The following CHODL variants were observed in gnomAD, a reference collection of about 807,000 sequenced individuals.
CHODL encodes chondrolectin.
CHODL carries 29 observed loss-of-function variants against 34.5 expected under a neutral mutation model. That is an observed-to-expected ratio of 0.84 (90% CI 0.63 to 1.15). The LOEUF is 1.15. Among genes scored for constraint, CHODL ranks in the 50% most tolerant of loss-of-function variants. The pLI, the probability that CHODL is intolerant of heterozygous loss-of-function variation, is 0.00. For synonymous variants in CHODL, 125 were observed against 116.1 expected (o/e 1.08, Z -0.49); for missense variants, 332 against 332.5 (o/e 1.00, Z 0.01).
intron 2 of CHODL, among the ~76,000 whole-genome samples, chr21:18,073,664 C>CA (rs1434354049): frequency 6.6e-6 from 1 of 151,912 alleles, no homozygotes. Flanking sequence ...GATTTCAGTT[C>CA]ATTTTTTTTC....
Position 18,264,427 on chromosome 21 carries a change from C to A in CHODL, c.738-1527C>A, listed in dbSNP as rs556815623. On this transcript the variant is annotated intron_variant, in intron 5 of 5. Coordinates refer to ENST00000299295, the MANE Select transcript of CHODL (RefSeq NM_024944.3). ...TACCACCCTGACTAACATGGCAAAACCCCATCTCTACTAAAAATACAAAAA... is the reference window on the plus strand; with the variant it reads ...TACCACCCTGACTAACATGGCAAAAACCCATCTCTACTAAAAATACAAAAA... Among the ~76,000 whole-genome samples the A allele has an allele frequency of 4.0e-5, 6 of 151,880 alleles. No individual in the cohort carries two copies. In the East Asian group the frequency reaches 1.2e-3, roughly 30 times the overall value.
Position 18,178,560 on chromosome 21 carries a change from T to A in CHODL, c.-44-77949T>A, listed in dbSNP as rs549841754. Among the ~76,000 whole-genome samples, 12 of 152,324 alleles carry A rather than the reference T, an allele frequency of 7.9e-5. 1 individual carries two copies. In the South Asian group the frequency reaches 2.3e-3, roughly 29 times the overall value. On this transcript the variant is annotated intron_variant, in intron 2 of 6. Transcript: ENST00000400127. ...AAACTATTGATTAACACATATTTTA[T>A]CTGTTACATGTATTATATACTGTAT...
rs1039334575 is a variant in CHODL, at chr21:18,107,522, C to G, written c.-45+79551C>G. ...TGTGCAAGAACTTAGTCGCATCTGT[C>G]CATTTTGCTATAGTGTCGTCCTACC... On this transcript the variant is annotated intron_variant, in intron 2 of 6. Transcript: ENST00000400127. Among the ~76,000 whole-genome samples the G allele has an allele frequency of 7.9e-5, 12 of 152,198 alleles. No individual in the cohort carries two copies. The East Asian group carries it at 2.1e-3, about 27-fold the overall frequency.
chr21:18,003,795 A>G (rs2063934152), intron 1 of CHODL, among the ~76,000 whole-genome samples: 1 of 152,214 alleles, frequency 6.6e-6, no homozygotes. Flanking sequence ...GTTCCAGCAC[A>G]GGGCTTCAGC....
At chr21:18,168,405 C>G (rs79040778) in intron 2 of CHODL, among the ~76,000 whole-genome samples, 2,316 of 152,312 alleles carry the variant, frequency 0.015, 59 homozygotes, top group African/African-American at 0.053. Context: ...TAAATCCAAG[C>G]ATTTTTGCTC....
intron 1 of CHODL, among the ~76,000 whole-genome samples, chr21:18,026,117 C>T (rs1305581598): frequency 6.6e-6 from 1 of 152,076 alleles, no homozygotes; most frequent in Non-Finnish European, 1.5e-5. Context: ...ATATCAGTTC[C>T]TGGGACATAA....
chr21:18,153,722 T>C (rs754638955), intron 2 of CHODL, among the ~76,000 whole-genome samples: 23 of 152,132 alleles, frequency 1.5e-4, no homozygotes, highest in Non-Finnish European at 2.8e-4. Context: ...CTCACCCTCT[T>C]ATCTGCCTAA....
chr21:18,217,781 A>G (rs2073844748), intron 2 of CHODL, among the ~76,000 whole-genome samples: 1 of 152,208 alleles, frequency 6.6e-6, no homozygotes, highest in Non-Finnish European at 1.5e-5. Context: ...CTTCCTAGAT[A>G]CAATGGGGTA....
chr21:18,090,225 A>C (rs968792504), intron 2 of CHODL, among the ~76,000 whole-genome samples: 34 of 152,224 alleles, frequency 2.2e-4, no homozygotes, highest in African/African-American at 7.7e-4. Flanking sequence ...GGCAAAACCC[A>C]AAACCAGTAG....
intron 1 of CHODL, among the ~76,000 whole-genome samples, chr21:18,014,320 C>T (rs1437373492): frequency 6.6e-6 from 1 of 152,172 alleles, no homozygotes. Flanking sequence ...AAATCATGTC[C>T]TTCACAGCAA....
At chr21:18,094,319 T>G (rs285951) in intron 2 of CHODL, among the ~76,000 whole-genome samples, 55,859 of 151,942 alleles carry the variant, frequency 0.37, 12,376 homozygotes, top group Non-Finnish European at 0.51. Flanking sequence ...AGACAGAAAA[T>G]AACAAAGAAG....
intron 2 of CHODL, among the ~76,000 whole-genome samples, chr21:18,173,569 G>A (rs2073256910): frequency 6.6e-6 from 1 of 152,136 alleles, no homozygotes; most frequent in African/African-American, 2.4e-5. Context: ...GCAAGTTCTT[G>A]TAAAGTATGG....
chr21:18,173,194 A>G (rs1324240441), intron 2 of CHODL, among the ~76,000 whole-genome samples: 3 of 152,252 alleles, frequency 2.0e-5, no homozygotes, highest in Admixed American at 1.3e-4. Flanking sequence ...TCAATTGATT[A>G]GAGACTTTAA....
At chr21:18,098,645 C>A (rs1367831983) in intron 2 of CHODL, among the ~76,000 whole-genome samples, 1 of 152,036 alleles carries the variant, frequency 6.6e-6, no homozygotes, top group Non-Finnish European at 1.5e-5. Context: ...ATTATTACAA[C>A]CATTATGGAA....
At chr21:18,102,584 A>G (rs980726965) in intron 2 of CHODL, among the ~76,000 whole-genome samples, 12 of 152,188 alleles carry the variant, frequency 7.9e-5, no homozygotes, top group African/African-American at 2.4e-4. Context: ...TGATAACTAT[A>G]AAAGTGCTGT....
chr21:18,037,060 C>T (rs1568855255), intron 2 of CHODL, among the ~76,000 whole-genome samples: 2 of 151,870 alleles, frequency 1.3e-5, no homozygotes, highest in South Asian at 2.1e-4. Flanking sequence ...GTAGCATTAC[C>T]TTCTGGAGAT....
chr21:18,208,067 A>T (rs1409992464), intron 2 of CHODL, among the ~76,000 whole-genome samples: 1 of 151,484 alleles, frequency 6.6e-6, no homozygotes, highest in Non-Finnish European at 1.5e-5. Flanking sequence ...CTGTTTCTCT[A>T]TCTCCTCTTT....
chr21:18,229,338 A>G (rs551275699), intron 2 of CHODL, among the ~76,000 whole-genome samples: 30 of 152,238 alleles, frequency 2.0e-4, no homozygotes, highest in African/African-American at 7.2e-4. Flanking sequence ...TTTATTGCTT[A>G]TTCACAGGTC....
intron 1 of CHODL, among the ~76,000 whole-genome samples, chr21:17,943,164 C>G (rs1295252844): frequency 1.3e-5 from 2 of 152,062 alleles, no homozygotes; most frequent in Non-Finnish European, 2.9e-5. Context: ...TGATTAAAGT[C>G]CATAGTAAGT....
Sources: allele counts gnomAD v4.1 joint callset (sites outside exome capture counted in the v4.1 genomes callset), GRCh38; gene constraint gnomAD v4.1.1; transcripts MANE v1.5; gene names NCBI Gene and HGNC (gene_info 2026-07-23, HGNC 2026-07-21).